The following TENM2 variants were observed in gnomAD, a reference collection of about 807,000 sequenced individuals.
TENM2 encodes teneurin-2.
In TENM2, 52 loss-of-function variants were observed where a neutral mutation model predicts 245.2. The ratio of observed to expected loss-of-function variants is 0.21; its 90% CI spans 0.17 to 0.27. The LOEUF is 0.27. Among genes scored for constraint, TENM2 ranks in the 10% least tolerant of loss-of-function variants. TENM2 has a pLI of 1.00. For synonymous variants in TENM2, 1,363 were observed against 1,438.9 expected (o/e 0.95, Z 1.19); for missense variants, 3,046 against 3,666.8 (o/e 0.83, Z 4.37).
At chr5:167,897,023 T>C (rs1775277937) in intron 3 of TENM2, among the ~76,000 whole-genome samples, 1 of 152,170 alleles carries the variant, frequency 6.6e-6, no homozygotes, top group African/African-American at 2.4e-5. Context: ...CTTAACTCGG[T>C]TGGTCTACGA....
chr5:167,807,453 C>T (rs1025830333), intron 2 of TENM2, among the ~76,000 whole-genome samples: 3 of 151,882 alleles, frequency 2.0e-5, no homozygotes, highest in African/African-American at 7.3e-5. Context: ...GGACATTGAC[C>T]AAGATATTTC....
In TENM2 at chr5:168,223,114, C is replaced by T. The variant is rs865982929; in HGVS notation, c.5109-2974C>T. Among the ~76,000 whole-genome samples, 20 of 152,298 alleles carry T rather than the reference C, an allele frequency of 1.3e-4. No individual in the cohort carries two copies. The Middle Eastern group carries it at 0.02, about 155-fold the overall frequency. On this transcript the variant is annotated intron_variant, in intron 23 of 28. Coordinates refer to ENST00000518659, the Ensembl canonical transcript of TENM2. ...GGGAAGTAAGTAGAGCTGGAGGCAG[C>T]CGAATCTTCTTAAAAGTTAAAGAAA...
chr5:167,165,401 T>C, the TENM2 span: 4 of 152,222 alleles, frequency 2.6e-5, no homozygotes, highest in African/African-American at 9.6e-5. Context: ...AATGAGATGA[T>C]TTTCTTACTT....
At chr5:167,649,458 G>A (rs1486781988) in intron 2 of TENM2, among the ~76,000 whole-genome samples, 3 of 152,216 alleles carry the variant, frequency 2.0e-5, no homozygotes, top group Non-Finnish European at 2.9e-5. Context: ...AGTCTAAGGC[G>A]CTTGCACTGT....
At chr5:167,048,434 G>C in the TENM2 span, among the ~76,000 whole-genome samples, 1 of 152,128 alleles carries the variant, frequency 6.6e-6, no homozygotes, top group African/African-American at 2.4e-5. Context: ...TGATTTCAGA[G>C]TCACCATACA....
At chr5:167,552,443 C>T (rs562516146) in intron 2 of TENM2, among the ~76,000 whole-genome samples, 171 of 152,266 alleles carry the variant, frequency 1.1e-3, no homozygotes, top group African/African-American at 3.9e-3. Context: ...TTTTGAAACG[C>T]TTCTTAGGAA....
At chr5:167,911,650 G>C (rs17069346) in intron 3 of TENM2, among the ~76,000 whole-genome samples, 31,303 of 152,142 alleles carry the variant, frequency 0.21, 3,650 homozygotes, top group East Asian at 0.43. Context: ...TTAGTTCCAG[G>C]AGCACTGGGG....
At chr5:167,791,507 TA>T (rs1260492557) in intron 2 of TENM2, among the ~76,000 whole-genome samples, 2 of 52,866 alleles carry the variant, frequency 3.8e-5, no homozygotes, top group East Asian at 4.2e-3. Flanking sequence ...TTTTATATAT[TA>T]TAATATATAA....
At chr5:167,538,024 T>C (rs1771959652) in intron 2 of TENM2, among the ~76,000 whole-genome samples, 1 of 152,142 alleles carries the variant, frequency 6.6e-6, no homozygotes, top group African/African-American at 2.4e-5. Context: ...TGTAGGATAA[T>C]GAGGAGTTTC....
chr5:168,056,395 T>G (rs1789545515), intron 6 of TENM2, among the ~76,000 whole-genome samples: 1 of 152,248 alleles, frequency 6.6e-6, no homozygotes, highest in African/African-American at 2.4e-5. Context: ...TATAAAAAAC[T>G]TTTCTTTTGC....
chr5:167,986,716 T>A (rs1783273671), intron 4 of TENM2, among the ~76,000 whole-genome samples: 1 of 152,144 alleles, frequency 6.6e-6, no homozygotes, highest in Admixed American at 6.5e-5. Context: ...CTGAGCTACT[T>A]CCATGACCGA....
chr5:167,030,179 T>C, the TENM2 span, among the ~76,000 whole-genome samples: 2 of 152,206 alleles, frequency 1.3e-5, no homozygotes, highest in African/African-American at 2.4e-5. Context: ...CTGAGCTCTT[T>C]ACTTCTTCAC....
At chr5:166,992,530 G>C in the TENM2 span, among the ~76,000 whole-genome samples, 2 of 152,170 alleles carry the variant, frequency 1.3e-5, no homozygotes. Flanking sequence ...TGTAGACATT[G>C]TATTTCATAG....
intron 2 of TENM2, among the ~76,000 whole-genome samples, chr5:167,646,166 TA>T: frequency 2.1e-4 from 7 of 33,062 alleles, no homozygotes; most frequent in Non-Finnish European, 4.0e-4. Flanking sequence ...CATATATATA[TA>T]TGTTGTTTTC....
intron 1 of TENM2, among the ~76,000 whole-genome samples, chr5:167,308,532 G>A (rs1755816401): frequency 6.6e-6 from 1 of 152,200 alleles, no homozygotes; most frequent in African/African-American, 2.4e-5. Flanking sequence ...CCTCCTGTGA[G>A]ATGTGCTGTC....
intron 1 of TENM2, among the ~76,000 whole-genome samples, chr5:167,286,439 C>T (rs572390796): frequency 3.9e-5 from 6 of 152,178 alleles, no homozygotes; most frequent in Non-Finnish European, 7.4e-5. Context: ...TCACCATTCC[C>T]CAAATTTCAG....
the TENM2 span, among the ~76,000 whole-genome samples, chr5:167,111,255 G>A: frequency 6.6e-6 from 1 of 152,112 alleles, no homozygotes; most frequent in Non-Finnish European, 1.5e-5. Context: ...ATAACCCAGA[G>A]ATCAAAATAT....
chr5:167,736,236 A>T (rs1760787637), intron 2 of TENM2, among the ~76,000 whole-genome samples: 2 of 152,166 alleles, frequency 1.3e-5, no homozygotes, highest in African/African-American at 2.4e-5. Flanking sequence ...CTCACTCACT[A>T]TCGCAAGAAC....
the TENM2 span, among the ~76,000 whole-genome samples, chr5:167,176,969 C>A: frequency 1.3e-5 from 2 of 152,098 alleles, no homozygotes; most frequent in African/African-American, 2.4e-5. Flanking sequence ...TGGGACAAGG[C>A]AAAGAAAAAC....
Sources: gnomAD v4.1 joint callset for allele counts (sites outside exome capture counted in the v4.1 genomes callset) on GRCh38, gnomAD v4.1.1 for gene constraint, MANE v1.5 for transcripts, NCBI Gene and HGNC (gene_info 2026-07-23, HGNC 2026-07-21) for gene names.